Variants in ACBD6 observed in about 807,000 individuals in gnomAD.
ACBD6 encodes the protein acyl-CoA-binding domain-containing protein 6.
Under a neutral mutation model 37.2 loss-of-function variants are expected in ACBD6, and 28 were observed. The ratio of observed to expected loss-of-function variants is 0.75; its 90% CI spans 0.56 to 1.03. ACBD6 has a LOEUF of 1.03. ACBD6 is among the 50% of genes least tolerant of loss of function. The pLI is 0.00. For synonymous variants in ACBD6, 113 were observed against 126.8 expected (o/e 0.89, Z 0.73); for missense variants, 340 against 337.4 (o/e 1.01, Z -0.06).
At chr1:180,395,098 C>T (rs1052626788) in intron 6 of ACBD6, among the ~76,000 whole-genome samples, 1 of 152,200 alleles carries the variant, frequency 6.6e-6, no homozygotes, top group Non-Finnish European at 1.5e-5. Context: ...AATTCTCTCA[C>T]ACACTGCTGG....
intron 4 of ACBD6, among the ~76,000 whole-genome samples, chr1:180,429,092 AAT>A (rs1384481361): frequency 3.9e-5 from 6 of 152,196 alleles, no homozygotes; most frequent in African/African-American, 1.4e-4. Context: ...AGATGGGTAA[AAT>A]ATGATCTTCA....
intron 6 of ACBD6, among the ~76,000 whole-genome samples, chr1:180,318,668 C>T (rs1372414945): frequency 6.6e-6 from 1 of 152,012 alleles, no homozygotes; most frequent in Non-Finnish European, 1.5e-5. Context: ...CCACCTTCAC[C>T]GCCACCCCAA....
At chr1:180,321,285 G>C (rs1651060638) in intron 6 of ACBD6, among the ~76,000 whole-genome samples, 1 of 152,082 alleles carries the variant, frequency 6.6e-6, no homozygotes, top group Non-Finnish European at 1.5e-5. Context: ...GTCTTTTGTA[G>C]TTCCATATAA....
chr1:180,481,893 C>T (rs143253571), intron 3 of ACBD6, among the ~76,000 whole-genome samples: 1 of 152,256 alleles, frequency 6.6e-6, no homozygotes, highest in Non-Finnish European at 1.5e-5. Flanking sequence ...GAATCTGACA[C>T]GGTCCTTGCC....
At chr1:180,472,540 G>A (rs925819335) in intron 3 of ACBD6, among the ~76,000 whole-genome samples, 23 of 152,038 alleles carry the variant, frequency 1.5e-4, no homozygotes, top group African/African-American at 2.9e-4. Context: ...GCGGGGGTGC[G>A]GGTGTGTATA....
chr1:180,419,961 C>A (rs1648285972), intron 4 of ACBD6, among the ~76,000 whole-genome samples: 4 of 152,172 alleles, frequency 2.6e-5, no homozygotes, highest in Admixed American at 2.6e-4. Flanking sequence ...CAGTACCAAT[C>A]CTTTCACCAT....
intron 4 of ACBD6, among the ~76,000 whole-genome samples, chr1:180,418,243 G>C (rs1421816055): frequency 6.6e-6 from 1 of 152,034 alleles, no homozygotes; most frequent in Non-Finnish European, 1.5e-5. Context: ...CTGAAAAAAA[G>C]AATCTATTCT....
At chr1:180,414,916 T>C (rs1198111338) in intron 4 of ACBD6, among the ~76,000 whole-genome samples, 4 of 152,076 alleles carry the variant, frequency 2.6e-5, no homozygotes, top group African/African-American at 9.7e-5. Flanking sequence ...AAAGTAGAGC[T>C]GCAAATAATA....
chr1:180,408,102 A>G (rs950225405), intron 5 of ACBD6, among the ~76,000 whole-genome samples: 1 of 152,224 alleles, frequency 6.6e-6, no homozygotes, highest in African/African-American at 2.4e-5. Flanking sequence ...AGATGGTGTC[A>G]CTCATCTCAT....
chr1:180,341,200 A>T (rs1266557232), intron 6 of ACBD6, among the ~76,000 whole-genome samples: 1 of 152,202 alleles, frequency 6.6e-6, no homozygotes, highest in East Asian at 1.9e-4. Context: ...CGTAGTTTAC[A>T]TATTGCAAAA....
chr1:180,328,524 T>G (rs559173626), intron 6 of ACBD6, among the ~76,000 whole-genome samples: 17 of 152,074 alleles, frequency 1.1e-4, no homozygotes, highest in African/African-American at 3.9e-4. Context: ...ATAACAAAGC[T>G]GCATAGAGGG....
intron 6 of ACBD6, among the ~76,000 whole-genome samples, chr1:180,395,995 C>T (rs1654245338): frequency 6.6e-6 from 1 of 152,042 alleles, no homozygotes; most frequent in Admixed American, 6.5e-5. Context: ...CACATGCAAC[C>T]ACATGGATGA....
At chr1:180,412,701 C>T (rs1182496605) in intron 5 of ACBD6, among the ~76,000 whole-genome samples, 1 of 151,862 alleles carries the variant, frequency 6.6e-6, no homozygotes, top group African/African-American at 2.4e-5. Flanking sequence ...CCCCATCTCC[C>T]CAAAAAATAA....
chr1:180,402,261 T>C (rs1414578354), intron 5 of ACBD6, among the ~76,000 whole-genome samples: 3 of 152,080 alleles, frequency 2.0e-5, no homozygotes, highest in Non-Finnish European at 4.4e-5. Flanking sequence ...CATAGTGAAA[T>C]GACAATGTTA....
exon 14 of ACBD6, chr1:180,271,290 A>T: frequency 7.0e-7 from 1 of 1,420,918 alleles, no homozygotes; most frequent in Non-Finnish European, 1.0e-6. Flanking sequence ...AGGCAGGCTT[A>T]GGTGCAGAAA....
intron 9 of ACBD6, chr1:180,281,269 A>G (rs1454061236): frequency 6.6e-6 from 1 of 152,218 alleles, no homozygotes; most frequent in African/African-American, 2.4e-5. Flanking sequence ...AATAAAGGAA[A>G]GATATCACTA....
intron 6 of ACBD6, among the ~76,000 whole-genome samples, chr1:180,396,674 C>T (rs990793665): frequency 6.6e-6 from 1 of 152,014 alleles, no homozygotes; most frequent in African/African-American, 2.4e-5. Flanking sequence ...AAATAGTCAA[C>T]AAGCGTATGA....
chr1:180,418,414 C>CA (rs1648190743), intron 4 of ACBD6, among the ~76,000 whole-genome samples: 1 of 151,552 alleles, frequency 6.6e-6, no homozygotes, highest in South Asian at 2.1e-4. Context: ...CCTACCTCTA[C>CA]AAAAAAAATT....
At chr1:180,277,154 G>C (rs1020393191) in intron 9 of ACBD6, 3 of 152,202 alleles carry the variant, frequency 2.0e-5, no homozygotes, top group Non-Finnish European at 4.4e-5. Flanking sequence ...CACAGCCACA[G>C]TAGGTCTAAG....
Sources: allele counts gnomAD v4.1 joint callset (sites outside exome capture counted in the v4.1 genomes callset), GRCh38; gene constraint gnomAD v4.1.1; transcripts MANE v1.5; gene names NCBI Gene and HGNC (gene_info 2026-07-23, HGNC 2026-07-21).